Variants in MDGA2 observed in about 807,000 individuals in gnomAD.
The protein encoded by MDGA2 is MAM domain containing glycosylphosphatidylinositol anchor 2.
A neutral mutation model predicts 117.8 loss-of-function variants in MDGA2; 40 were observed. The observed-to-expected ratio is 0.34, with a 90% CI of 0.26 to 0.44. The LOEUF (loss-of-function observed/expected upper bound fraction) is 0.44. Among genes scored for constraint, MDGA2 ranks in the 20% least tolerant of loss-of-function variants. MDGA2 has a pLI of 1.00. For missense variants in MDGA2, 1,123 were observed against 1,250.6 expected (o/e 0.90, Z 1.54); for synonymous variants, 452 against 439.0 (o/e 1.03, Z -0.37).
chr14:46,862,843 CT>C (rs1432781279), intron 14 of MDGA2, among the ~76,000 whole-genome samples: 1 of 151,924 alleles, frequency 6.6e-6, no homozygotes, highest in East Asian at 1.9e-4. Flanking sequence ...TCATTATTTT[CT>C]GCTTGAATAA....
At chr14:46,900,861 T>G (rs1386753821) in intron 10 of MDGA2, among the ~76,000 whole-genome samples, 1 of 152,128 alleles carries the variant, frequency 6.6e-6, no homozygotes, top group Non-Finnish European at 1.5e-5. Flanking sequence ...CTTCATGGAT[T>G]GTACCAATGT....
chr14:47,286,924 CAG>C (rs1233516322), intron 2 of MDGA2, among the ~76,000 whole-genome samples: 2 of 150,100 alleles, frequency 1.3e-5, no homozygotes, highest in African/African-American at 4.9e-5. Context: ...CACTGAAAGA[CAG>C]AAAATTTGAA....
intron 1 of MDGA2, among the ~76,000 whole-genome samples, chr14:47,462,952 T>C (rs898734565): frequency 6.6e-6 from 1 of 152,234 alleles, no homozygotes; most frequent in African/African-American, 2.4e-5. Flanking sequence ...TTATGTATCA[T>C]TGTGGCTTGC....
intron 5 of MDGA2, among the ~76,000 whole-genome samples, chr14:47,102,629 G>A (rs943709597): frequency 1.8e-4 from 28 of 152,194 alleles, no homozygotes; most frequent in African/African-American, 6.7e-4. Flanking sequence ...TGGGAAACTT[G>A]GCTCCCAGCT....
chr14:47,106,665 C>T (rs977324574), intron 5 of MDGA2, among the ~76,000 whole-genome samples: 1 of 152,048 alleles, frequency 6.6e-6, no homozygotes, highest in Non-Finnish European at 1.5e-5. Flanking sequence ...ACTGACACTG[C>T]CCGATCGCCT....
intron 1 of MDGA2, among the ~76,000 whole-genome samples, chr14:47,503,022 G>T (rs1341441929): frequency 1.3e-5 from 2 of 151,992 alleles, no homozygotes; most frequent in African/African-American, 4.8e-5. Context: ...AAATCATCCT[G>T]CTTCAGAAAA....
At chr14:47,140,060 C>T (rs1410573609) in intron 4 of MDGA2, among the ~76,000 whole-genome samples, 3 of 151,474 alleles carry the variant, frequency 2.0e-5, no homozygotes, top group Admixed American at 6.6e-5. Flanking sequence ...GATGATGAGT[C>T]CTCAGTGTTA....
chr14:47,473,167 C>A (rs2138619306), intron 1 of MDGA2, among the ~76,000 whole-genome samples: 1 of 152,214 alleles, frequency 6.6e-6, no homozygotes, highest in Non-Finnish European at 1.5e-5. Context: ...GGAAGAGTCA[C>A]CAATCAGAGC....
At chr14:47,461,688 GAAAAAAATAAAAACA>G (rs1893490235) in intron 1 of MDGA2, among the ~76,000 whole-genome samples, 2 of 150,914 alleles carry the variant, frequency 1.3e-5, no homozygotes, top group Non-Finnish European at 3.0e-5. Flanking sequence ...AAATAAAAAC[GAAAAAAATAAAAACA>G]AAAAAAGACC....
Position 47,035,324 on chromosome 14 carries a change from A to C in MDGA2, c.1526-20T>G. The C allele has an allele frequency of 6.3e-7, 1 of 1,593,422 alleles. No homozygotes were observed. Among genetic ancestry groups the C allele is most frequent in the Non-Finnish European group, 8.5e-7 (1 of 1,169,912 alleles). ...GTGGAACTTGAAATGGGAAAAAGAA[A>C]ATTTTTCAAGGTTAGTATAAACTGG... On this transcript the variant is annotated intron_variant, in intron 7 of 16. Coordinates refer to ENST00000399232, the MANE Select transcript of MDGA2 (RefSeq NM_001113498.3).
chr14:47,356,010 C>G (rs1156256857), intron 1 of MDGA2, among the ~76,000 whole-genome samples: 2 of 152,152 alleles, frequency 1.3e-5, no homozygotes, highest in African/African-American at 2.4e-5. Context: ...GGGTATACAT[C>G]AAGAACTGAA....
intron 6 of MDGA2, among the ~76,000 whole-genome samples, chr14:47,075,914 A>G (rs1890473304): frequency 6.6e-6 from 1 of 152,162 alleles, no homozygotes; most frequent in Non-Finnish European, 1.5e-5. Flanking sequence ...TTTCTAGATT[A>G]TCCTCCTCCT....
intron 6 of MDGA2, among the ~76,000 whole-genome samples, chr14:47,071,055 T>A (rs1296699368): frequency 2.0e-5 from 3 of 152,230 alleles, no homozygotes; most frequent in Non-Finnish European, 2.9e-5. Context: ...TAATTTTTCT[T>A]TCACAACATT....
At chr14:47,286,840 T>G (rs1314657151) in intron 2 of MDGA2, among the ~76,000 whole-genome samples, 1 of 120,088 alleles carries the variant, frequency 8.3e-6, no homozygotes, top group Non-Finnish European at 1.9e-5. Context: ...TATATATGTA[T>G]ATATATATAT....
At chr14:47,603,297 A>G (rs1297346390) in intron 1 of MDGA2, among the ~76,000 whole-genome samples, 2 of 152,158 alleles carry the variant, frequency 1.3e-5, no homozygotes, top group Admixed American at 6.5e-5. Context: ...AAACTATCGG[A>G]TTTCATTTGA....
intron 1 of MDGA2, among the ~76,000 whole-genome samples, chr14:47,359,803 T>C (rs939045461): frequency 2.0e-5 from 3 of 151,664 alleles, no homozygotes; most frequent in African/African-American, 7.3e-5. Flanking sequence ...AAAAGTCTCT[T>C]TATACCATCC....
intron 2 of MDGA2, among the ~76,000 whole-genome samples, chr14:47,221,019 A>T (rs1417879102): frequency 6.6e-6 from 1 of 152,234 alleles, no homozygotes; most frequent in African/African-American, 2.4e-5. Context: ...GTGAGAAGAT[A>T]TAGAAAAGCA....
At chr14:46,868,480 C>T (rs771377943) in intron 14 of MDGA2, among the ~76,000 whole-genome samples, 2 of 151,654 alleles carry the variant, frequency 1.3e-5, no homozygotes, top group Non-Finnish European at 2.9e-5. Flanking sequence ...GAGCTTTACC[C>T]GAAAAACTTC....
chr14:47,118,481 T>C (rs1881447893), intron 5 of MDGA2, among the ~76,000 whole-genome samples: 1 of 152,214 alleles, frequency 6.6e-6, no homozygotes, highest in Non-Finnish European at 1.5e-5. Flanking sequence ...TCGAAGCTAC[T>C]GAAAATACAG....
Sources: gnomAD v4.1 joint callset for allele counts (sites outside exome capture counted in the v4.1 genomes callset) on GRCh38, gnomAD v4.1.1 for gene constraint, MANE v1.5 for transcripts, NCBI Gene and HGNC (gene_info 2026-07-23, HGNC 2026-07-21) for gene names.